The following LYPD6 variants were observed in gnomAD, a reference collection of about 807,000 sequenced individuals.
LYPD6 encodes the protein LY6/PLAUR domain containing 6.
Under a neutral mutation model 22.7 loss-of-function variants are expected in LYPD6, and 15 were observed. That is an observed-to-expected ratio of 0.66 (90% confidence interval 0.44 to 1.02). LYPD6 has a LOEUF of 1.02. Among genes scored for constraint, LYPD6 ranks in the 50% least tolerant of loss-of-function variants. LYPD6 has a pLI of 0.00. For synonymous variants in LYPD6, 72 were observed against 77.5 expected, an observed-to-expected ratio of 0.93 and a Z score of 0.37; for missense variants, 189 against 208.4, an observed-to-expected ratio of 0.91 and a Z score of 0.57.
rs573535443 is a variant in LYPD6 at position 149,448,770 on chromosome 2, C to T, written c.119-279C>T. Among the ~76,000 whole-genome samples, 115 of 152,308 alleles carry T rather than the reference C, an allele frequency of 7.6e-4. No homozygotes were observed. In the South Asian group the frequency reaches 0.021, roughly 28 times the overall value. ...ATGTCCAACAGTTTGTTTAACCATT[C>T]ACCCACTGAAGGACATCGAGGATAT... is the stretch of plus-strand genomic sequence containing the variant. On this transcript the variant is annotated intron_variant, in intron 2 of 4. Coordinates refer to ENST00000334166, the MANE Select transcript of LYPD6 (RefSeq NM_194317.5).
In LYPD6 at chr2:149,349,108, A is replaced by G. The variant is rs568541037; in HGVS notation, c.-72+18386A>G. On this transcript the variant is annotated intron_variant, in intron 1 of 4. Coordinates refer to ENST00000334166, the MANE Select transcript of LYPD6 (RefSeq NM_194317.5). ...GGTGTGCACACCTTAGATTTGAGACACCTATTAGGCTTCTAAATGGAGAAA... is the reference window on the plus strand; with the variant it reads ...GGTGTGCACACCTTAGATTTGAGACGCCTATTAGGCTTCTAAATGGAGAAA... 1.6e-4 allele frequency among the ~76,000 whole-genome samples: 25 copies of G among 152,278 alleles called. No individual in the cohort carries two copies. The East Asian group carries it at 4.8e-3, about 30-fold the overall frequency.
intron 1 of LYPD6, among the ~76,000 whole-genome samples, chr2:149,371,678 G>A (rs1021074538): frequency 2.0e-5 from 3 of 152,136 alleles, no homozygotes; most frequent in African/African-American, 7.2e-5. Context: ...GTCAGAACCC[G>A]TGCCTGGCAC....
chr2:149,391,687 T>A lies in LYPD6; in HGVS notation c.-71-45951T>A, dbSNP rs1024504609. On this transcript the variant is annotated intron_variant, in intron 1 of 4. Transcript: ENST00000334166. ...TTAGGGGCCACTCAAGGGTATGTGA[T>A]GAGCTGGACATGACCCTGAGTTCTC... Among the ~76,000 whole-genome samples, 5 of 152,300 alleles carry A rather than the reference T, an allele frequency of 3.3e-5. No homozygotes were observed. In the East Asian group the frequency reaches 9.7e-4, roughly 29 times the overall value.
chr2:149,475,969 A>G (rs527455282), downstream of LYPD6, among the ~76,000 whole-genome samples: 5 of 152,272 alleles, frequency 3.3e-5, no homozygotes, highest in East Asian at 9.7e-4. Flanking sequence ...CTTCTCTGGC[A>G]TTTTACTAGA....
At chr2:149,400,848 C>T (rs1682539493) in intron 1 of LYPD6, among the ~76,000 whole-genome samples, 1 of 152,076 alleles carries the variant, frequency 6.6e-6, no homozygotes, top group African/African-American at 2.4e-5. Context: ...GATGGATCCT[C>T]ACTCCGGGGG....
At chr2:149,400,655 A>G (rs1682534992) in intron 1 of LYPD6, among the ~76,000 whole-genome samples, 1 of 152,176 alleles carries the variant, frequency 6.6e-6, no homozygotes, top group South Asian at 2.1e-4. Context: ...TTTGCTACTT[A>G]ATTATAACAG....
chr2:149,473,508 A>G lies in LYPD6; in HGVS notation c.*2658A>G, dbSNP rs1182824334. On this transcript the variant is annotated 3_prime_UTR_variant, in exon 5 of 5. Transcript: ENST00000334166. ...AGAGCCATGATGTGTATATTAAGCT[A>G]TGTGCCACATATTTATTTTTAGACT... The G allele has an allele frequency of 1.3e-5, 2 of 152,540 alleles. No homozygotes were observed. Among genetic ancestry groups the G allele is most frequent in the East Asian group, 1.9e-4 (1 of 5,196 alleles). The allele number at this position is 152,540 out of a possible 1,614,324, so 9.4% of individuals were successfully genotyped here. A position where few individuals can be genotyped will look rare whatever the true frequency, so the allele number is the denominator to read the frequency against.
At chr2:149,427,810 C>T (rs1683217730) in intron 1 of LYPD6, among the ~76,000 whole-genome samples, 1 of 152,202 alleles carries the variant, frequency 6.6e-6, no homozygotes, top group African/African-American at 2.4e-5. Flanking sequence ...ATGCATTTCT[C>T]AGAGCGTATC....
chr2:149,335,222 T>C (rs1373082152), intron 1 of LYPD6, among the ~76,000 whole-genome samples: 5 of 152,212 alleles, frequency 3.3e-5, no homozygotes, highest in African/African-American at 1.2e-4. Context: ...TCATAGGAGA[T>C]GTCAGCTCCA....
chr2:149,377,413 G>A (rs920503516), intron 1 of LYPD6, among the ~76,000 whole-genome samples: 1 of 152,134 alleles, frequency 6.6e-6, no homozygotes, highest in African/African-American at 2.4e-5. Context: ...AGAGGCAGGA[G>A]CACTTCTCCC....
intron 3 of LYPD6, among the ~76,000 whole-genome samples, chr2:149,459,971 C>T (rs1195197562): frequency 6.6e-6 from 1 of 151,552 alleles, no homozygotes; most frequent in African/African-American, 2.4e-5. Flanking sequence ...GTTTTGTACA[C>T]TTCACTTTAA....
intron 1 of LYPD6, among the ~76,000 whole-genome samples, chr2:149,356,354 T>C (rs1289821157): frequency 6.6e-6 from 1 of 152,182 alleles, no homozygotes; most frequent in African/African-American, 2.4e-5. Context: ...AAAGTTGTCA[T>C]TGGTGACCCC....
At chr2:149,382,874 G>A (rs1573758097) in intron 1 of LYPD6, among the ~76,000 whole-genome samples, 1 of 151,890 alleles carries the variant, frequency 6.6e-6, no homozygotes, top group East Asian at 1.9e-4. Context: ...TTTTCTTATA[G>A]TACTTCACAT....
chr2:149,390,834 G>A (rs1027862452), intron 1 of LYPD6, among the ~76,000 whole-genome samples: 28 of 152,050 alleles, frequency 1.8e-4, no homozygotes, highest in African/African-American at 6.0e-4. Context: ...GATATAATTG[G>A]GTTCTTCCTT....
chr2:149,362,308 A>C (rs147113187), intron 1 of LYPD6, among the ~76,000 whole-genome samples: 1 of 152,198 alleles, frequency 6.6e-6, no homozygotes, highest in African/African-American at 2.4e-5. Flanking sequence ...AAAGCATACA[A>C]ATTTATTTAA....
intron 1 of LYPD6, among the ~76,000 whole-genome samples, chr2:149,425,531 AT>A (rs1683171140): frequency 6.6e-6 from 1 of 152,154 alleles, no homozygotes; most frequent in Admixed American, 6.5e-5. Flanking sequence ...AAAGAAATTA[AT>A]TTAGATGCAA....
chr2:149,399,311 C>G (rs1018747593), intron 1 of LYPD6, among the ~76,000 whole-genome samples: 12 of 152,132 alleles, frequency 7.9e-5, no homozygotes, highest in African/African-American at 2.9e-4. Flanking sequence ...TTGCAGACAT[C>G]TTGAATGTCA....
downstream of LYPD6, among the ~76,000 whole-genome samples, chr2:149,477,925 A>G (rs1227677644): frequency 6.6e-6 from 1 of 152,222 alleles, no homozygotes; most frequent in East Asian, 1.9e-4. Context: ...GTCTTGAGAG[A>G]AATTGGTAAT....
At chr2:149,397,438 T>G (rs2105104927) in intron 1 of LYPD6, among the ~76,000 whole-genome samples, 1 of 152,324 alleles carries the variant, frequency 6.6e-6, no homozygotes, top group Admixed American at 6.5e-5. Flanking sequence ...TCATAATGTC[T>G]TGGCCCAGAA....
Sources: allele counts gnomAD v4.1 joint callset (sites outside exome capture counted in the v4.1 genomes callset), GRCh38; gene constraint gnomAD v4.1.1; transcripts MANE v1.5; gene names NCBI Gene and HGNC (gene_info 2026-07-23, HGNC 2026-07-21).